The following CADPS variants were observed in gnomAD, a reference collection of about 807,000 sequenced individuals.
CADPS encodes calcium dependent secretion activator, also known as calcium-dependent secretion activator 1.
CADPS carries 57 observed loss-of-function variants against 167.3 expected under a neutral mutation model. That is an observed-to-expected ratio of 0.34 (90% CI 0.28 to 0.42). The LOEUF (loss-of-function observed/expected upper bound fraction) is 0.42. Among genes scored for constraint, CADPS ranks in the 20% least tolerant of loss-of-function variants. The pLI, the probability that CADPS is intolerant of heterozygous loss-of-function variation, is 1.00. For synonymous variants in CADPS, 676 were observed against 635.3 expected (o/e 1.06, Z -0.96); for missense variants, 1,414 against 1,738.1 (o/e 0.81, Z 3.32).
At chr3:62,491,522 CT>C in intron 20 of CADPS, 42 bp from the exon 21 acceptor site, 1 of 1,554,560 alleles carries the variant, frequency 6.4e-7, no homozygotes, top group Non-Finnish European at 8.8e-7. Context: ...CCCACAGCTA[CT>C]TTATCAACGT....
intron 6 of CADPS, among the ~76,000 whole-genome samples, chr3:62,645,052 C>G (rs2068238163): frequency 6.6e-6 from 1 of 152,124 alleles, no homozygotes; most frequent in Non-Finnish European, 1.5e-5. Context: ...ATGTAACATA[C>G]TACCTTGCTA....
chr3:62,526,774 G>A (rs1286322486), intron 13 of CADPS, among the ~76,000 whole-genome samples: 2 of 152,100 alleles, frequency 1.3e-5, no homozygotes, highest in African/African-American at 4.8e-5. Flanking sequence ...TCAAACTAAT[G>A]TTCCCTCAAT....
intron 1 of CADPS, among the ~76,000 whole-genome samples, chr3:62,852,632 C>A (rs1054173017): frequency 3.9e-5 from 6 of 151,938 alleles, no homozygotes; most frequent in Non-Finnish European, 5.9e-5. Context: ...CCCAGGTGGT[C>A]CCCAGTTTAC....
rs775850925 is a variant in CADPS at position 62,420,861 on chromosome 3, AACACACACACACAC to A, written c.3777+17229_3777+17242del. ...TTTTCTCTTTATGGGAGGGAGAACGAACACACACACACACACACACACACACACACACACACACA... is the reference window on the plus strand; with the variant it reads ...TTTTCTCTTTATGGGAGGGAGAACGAACACACACACACACACACACACACA... On this transcript the variant is annotated intron_variant, in intron 28 of 29. Transcript: ENST00000383710. The surrounding 1 kb of genome is among the most constrained non-coding windows in gnomAD (Gnocchi z 4.1). 7.8e-4 allele frequency among the ~76,000 whole-genome samples: 104 copies of A among 133,942 alleles called. No homozygotes were observed. Among genetic ancestry groups the A allele is most frequent in the South Asian group, 3.0e-3 (12 of 4,006 alleles). The allele number at this position is 133,942 out of a possible 152,430, so 87.9% of individuals were successfully genotyped here. A position where few individuals can be genotyped will look rare whatever the true frequency, so the allele number is the denominator to read the frequency against.
chr3:62,698,611 G>A (rs557423275), intron 3 of CADPS, among the ~76,000 whole-genome samples: 7 of 128,048 alleles, frequency 5.5e-5, no homozygotes, highest in African/African-American at 1.8e-4. Context: ...ATTAGTGGTG[G>A]TTCTTATTCT....
chr3:62,613,294 C>T (rs2061757190), intron 6 of CADPS, among the ~76,000 whole-genome samples: 1 of 152,146 alleles, frequency 6.6e-6, no homozygotes, highest in Non-Finnish European at 1.5e-5. Context: ...TGTCTAAATC[C>T]ATTTGATTGA....
chr3:62,711,401 A>T (rs995037321), intron 3 of CADPS, among the ~76,000 whole-genome samples: 1 of 152,194 alleles, frequency 6.6e-6, no homozygotes, highest in African/African-American at 2.4e-5. Flanking sequence ...GAAATGTTAC[A>T]TTTCAGGTAA....
intron 8 of CADPS, among the ~76,000 whole-genome samples, chr3:62,582,324 T>C (rs1225116400): frequency 2.6e-5 from 4 of 152,172 alleles, no homozygotes; most frequent in Non-Finnish European, 5.9e-5. Context: ...TGCACACCTG[T>C]GGTCCCAGCT....
At chr3:62,739,794 T>A (rs1465734477) in intron 3 of CADPS, among the ~76,000 whole-genome samples, 1 of 152,170 alleles carries the variant, frequency 6.6e-6, no homozygotes, top group Non-Finnish European at 1.5e-5. Context: ...AAGTGGACAA[T>A]TTAGGTTGAA....
intron 10 of CADPS, among the ~76,000 whole-genome samples, chr3:62,554,887 G>C (rs62243513): frequency 0.071 from 10,766 of 152,064 alleles, 560 homozygotes; most frequent in African/African-American, 0.15. Context: ...CGAGTAGCTC[G>C]GATTACAGGT....
At chr3:62,606,558 G>A (rs2060721584) in intron 6 of CADPS, among the ~76,000 whole-genome samples, 1 of 152,148 alleles carries the variant, frequency 6.6e-6, no homozygotes, top group African/African-American at 2.4e-5. Context: ...ATGACTGTAA[G>A]AAATAAATTC....
intron 2 of CADPS, among the ~76,000 whole-genome samples, chr3:62,756,661 A>G (rs1429744193): frequency 1.3e-5 from 2 of 152,240 alleles, no homozygotes; most frequent in African/African-American, 4.8e-5. Context: ...CTAGGAATCT[A>G]TTCTAATATG....
At chr3:62,852,012 C>T (rs1019491659) in intron 1 of CADPS, among the ~76,000 whole-genome samples, 3 of 147,772 alleles carry the variant, frequency 2.0e-5, no homozygotes, top group African/African-American at 7.5e-5. Flanking sequence ...CTTCTCGCTT[C>T]ATTTCATTCA....
intron 6 of CADPS, among the ~76,000 whole-genome samples, chr3:62,597,890 C>A (rs966423351): frequency 4.6e-5 from 7 of 151,910 alleles, no homozygotes; most frequent in African/African-American, 1.7e-4. Context: ...TGAAGCAGGC[C>A]AAAAGAGAAG....
chr3:62,549,831 T>C (rs2077045202), intron 11 of CADPS, 72 bp downstream of exon 11: 1 of 1,199,274 alleles, frequency 8.3e-7, no homozygotes, highest in Non-Finnish European at 1.2e-6. Flanking sequence ...AGCAACTAGG[T>C]TTTCTAATTC....
intron 8 of CADPS, among the ~76,000 whole-genome samples, chr3:62,576,248 A>C (rs1170835055): frequency 6.6e-6 from 1 of 152,192 alleles, no homozygotes; most frequent in African/African-American, 2.4e-5. Flanking sequence ...ACGAGTGGTT[A>C]TATCTCAGAC....
intron 6 of CADPS, among the ~76,000 whole-genome samples, chr3:62,623,652 G>A (rs1398473792): frequency 6.6e-6 from 1 of 152,100 alleles, no homozygotes; most frequent in Non-Finnish European, 1.5e-5. Context: ...ATAGTGTGAG[G>A]AGTGTTAGAT....
At chr3:62,578,848 G>A (rs780331983) in intron 8 of CADPS, among the ~76,000 whole-genome samples, 2 of 152,178 alleles carry the variant, frequency 1.3e-5, no homozygotes, top group East Asian at 3.9e-4. Flanking sequence ...AAGTCAACAA[G>A]GGAGATAAAA....
intron 1 of CADPS, among the ~76,000 whole-genome samples, chr3:62,872,374 G>A (rs1199950137): frequency 1.3e-5 from 2 of 152,096 alleles, no homozygotes; most frequent in African/African-American, 2.4e-5. Context: ...AGATATAGCA[G>A]TGAAAAAGCT....
Sources: allele counts gnomAD v4.1 joint callset (sites outside exome capture counted in the v4.1 genomes callset), GRCh38; gene constraint gnomAD v4.1.1; non-coding constraint Gnocchi (gnomAD v3.1); transcripts MANE v1.5; gene names NCBI Gene and HGNC (gene_info 2026-07-23, HGNC 2026-07-21).